Variants in SWT1 observed in about 807,000 individuals in gnomAD.
The protein encoded by SWT1 is SWT1 RNA endoribonuclease homolog.
A neutral mutation model predicts 107.3 loss-of-function variants in SWT1; 33 were observed. The ratio of observed to expected loss-of-function variants is 0.31; its 90% CI spans 0.23 to 0.41. SWT1 has a LOEUF of 0.41. SWT1 is among the 10% of genes least tolerant of loss of function. The probability of loss-of-function intolerance (pLI) is 1.00; values close to 1 mark genes in which losing one functional copy is unlikely to be tolerated. For missense variants in SWT1, 898 were observed against 1,028.9 expected (o/e 0.87, Z 1.74); for synonymous variants, 345 against 348.3 (o/e 0.99, Z 0.11).
chr1:185,212,432 A>G lies in SWT1; in HGVS notation c.1973-2075A>G, dbSNP rs570137722. Among the ~76,000 whole-genome samples the G allele has an allele frequency of 4.6e-5, 7 of 152,230 alleles. No homozygotes were observed. In the South Asian group the frequency reaches 1.5e-3, roughly 32 times the overall value. On this transcript the variant is annotated intron_variant, in intron 13 of 18. Transcript: ENST00000367500. The stretch of plus-strand genomic sequence containing the variant: ...GTGGTAGGTGGCAGCTCTAACTGCC[A>G]TTAAGGAGAGAAGTGAAGATGTGAT...
chr1:185,207,399 C>T (rs1212771655), intron 13 of SWT1, among the ~76,000 whole-genome samples: 1 of 152,072 alleles, frequency 6.6e-6, no homozygotes, highest in Non-Finnish European at 1.5e-5. Context: ...TGCCTTTGGC[C>T]CTCAACCCCA....
At chr1:185,255,053 G>T (rs1184790245) in intron 16 of SWT1, among the ~76,000 whole-genome samples, 1 of 152,070 alleles carries the variant, frequency 6.6e-6, no homozygotes, top group African/African-American at 2.4e-5. Flanking sequence ...TAGTCATTCA[G>T]GAGCAGGTTG....
At chr1:185,261,139 G>A (rs893344952) in intron 16 of SWT1, among the ~76,000 whole-genome samples, 7 of 151,908 alleles carry the variant, frequency 4.6e-5, no homozygotes, top group African/African-American at 7.3e-5. Context: ...TTTTCATCTC[G>A]TAAAACTGAA....
At chr1:185,196,373 G>A (rs1657391939) in intron 10 of SWT1, among the ~76,000 whole-genome samples, 1 of 152,182 alleles carries the variant, frequency 6.6e-6, no homozygotes, top group South Asian at 2.1e-4. Context: ...GTACCATACT[G>A]TTTTTGTTAC....
chr1:185,215,649 C>T (rs573550483), intron 14 of SWT1, among the ~76,000 whole-genome samples: 1 of 152,234 alleles, frequency 6.6e-6, no homozygotes, highest in South Asian at 2.1e-4. Flanking sequence ...AGTGATTCTT[C>T]CACGTCAGCC....
chr1:185,195,616 A>G (rs1440115353), intron 10 of SWT1, among the ~76,000 whole-genome samples: 1 of 152,180 alleles, frequency 6.6e-6, no homozygotes, highest in Non-Finnish European at 1.5e-5. Flanking sequence ...TCCCACCAAC[A>G]GTGTGAAAGT....
At chr1:185,253,619 A>G (rs1307901662) in intron 16 of SWT1, among the ~76,000 whole-genome samples, 4 of 151,736 alleles carry the variant, frequency 2.6e-5, no homozygotes, top group Non-Finnish European at 5.9e-5. Context: ...TGATTTTTGT[A>G]CATTGATTTT....
intron 16 of SWT1, among the ~76,000 whole-genome samples, chr1:185,244,248 A>G (rs1271944862): frequency 6.6e-6 from 1 of 152,120 alleles, no homozygotes; most frequent in African/African-American, 2.4e-5. Context: ...AGTCATACAT[A>G]TCTTAATGAT....
intron 16 of SWT1, among the ~76,000 whole-genome samples, chr1:185,262,786 C>CTTT (rs572086827): frequency 3.0e-4 from 41 of 135,470 alleles, no homozygotes; most frequent in African/African-American, 9.1e-4. Flanking sequence ...TTTCTTCTTT[C>CTTT]TTTTTTTTTT....
chr1:185,173,084 T>C (rs1445448643), intron 4 of SWT1, among the ~76,000 whole-genome samples: 1 of 151,722 alleles, frequency 6.6e-6, no homozygotes, highest in African/African-American at 2.4e-5. Context: ...ATGTTATTGT[T>C]ATTATTAGCA....
chr1:185,257,589 C>T (rs915467510), intron 16 of SWT1, among the ~76,000 whole-genome samples: 6 of 152,194 alleles, frequency 3.9e-5, no homozygotes, highest in Admixed American at 3.9e-4. Context: ...AAGGGAACTC[C>T]CTGACCCCTT....
intron 10 of SWT1, among the ~76,000 whole-genome samples, chr1:185,202,285 G>A (rs1008640596): frequency 6.6e-6 from 1 of 152,048 alleles, no homozygotes; most frequent in Non-Finnish European, 1.5e-5. Context: ...ATAGCTCTCT[G>A]TTTATTTCTC....
chr1:185,170,964 C>T (rs972871197), intron 4 of SWT1, among the ~76,000 whole-genome samples: 2 of 152,110 alleles, frequency 1.3e-5, no homozygotes, highest in Non-Finnish European at 1.5e-5. Context: ...TGAGAGAAGC[C>T]CACTTGTATT....
In SWT1 at chr1:185,221,841, T is replaced by C; in HGVS notation, c.2122-8T>C. 1.3e-6 allele frequency: 2 copies of C among 1,534,902 alleles called. No individual in the cohort carries two copies. The highest frequency in any genetic ancestry group is 1.7e-6 in the Non-Finnish European group (2 of 1,144,424). On this transcript the variant is annotated splice_polypyrimidine_tract_variant and splice_region_variant and intron_variant, in intron 14 of 18. Transcript: ENST00000367500. ...TAGCTGCATTTTATGTAATTCTTAT[T>C]TCCCCAGGTCAAGACAAAACTTAAG...
chr1:185,175,842 A>G (rs2102351505), intron 5 of SWT1, among the ~76,000 whole-genome samples: 1 of 152,372 alleles, frequency 6.6e-6, no homozygotes, highest in East Asian at 1.9e-4. Context: ...TGTAAGAGAT[A>G]ACACAGTTTG....
At chr1:185,184,432 C>A in intron 8 of SWT1, 88 bp downstream of exon 8, 1 of 786,058 alleles carries the variant, frequency 1.3e-6, no homozygotes, top group Non-Finnish European at 2.1e-6. Flanking sequence ...TTGCCATGAA[C>A]ATGTCTCCAT....
At chr1:185,229,959 TG>T (rs1486124509) in intron 15 of SWT1, among the ~76,000 whole-genome samples, 4 of 152,178 alleles carry the variant, frequency 2.6e-5, no homozygotes, top group African/African-American at 9.7e-5. Flanking sequence ...AACCGCTCAA[TG>T]GATTCAGTTT....
At chr1:185,165,174 GT>G (rs1156540879) in intron 2 of SWT1, among the ~76,000 whole-genome samples, 8 of 152,154 alleles carry the variant, frequency 5.3e-5, no homozygotes, top group African/African-American at 1.9e-4. Context: ...TATCAGTGAA[GT>G]TTGCTGTCTC....
chr1:185,236,140 T>C (rs931133728), intron 16 of SWT1, among the ~76,000 whole-genome samples: 1 of 152,212 alleles, frequency 6.6e-6, no homozygotes, highest in African/African-American at 2.4e-5. Context: ...ATTTATAGAT[T>C]CACTGCTATT....
Sources: allele counts gnomAD v4.1 joint callset (sites outside exome capture counted in the v4.1 genomes callset), GRCh38; gene constraint gnomAD v4.1.1; transcripts MANE v1.5; gene names NCBI Gene and HGNC (gene_info 2026-07-23, HGNC 2026-07-21).